The following TBC1D22A variants were observed in gnomAD, a reference collection of about 807,000 sequenced individuals.
TBC1D22A encodes the protein putative GTPase activator.
A neutral mutation model predicts 60.2 loss-of-function variants in TBC1D22A; 38 were observed. The ratio of observed to expected loss-of-function variants is 0.63; its 90% CI spans 0.49 to 0.83. The LOEUF (loss-of-function observed/expected upper bound fraction) is 0.83, where lower values mean the gene tolerates loss of function less well. Ranked by LOEUF, TBC1D22A falls within the 40% of genes least tolerant of loss-of-function variation. The probability of loss-of-function intolerance (pLI) is 0.00; values close to 1 mark genes in which losing one functional copy is unlikely to be tolerated. For missense variants in TBC1D22A, 628 were observed against 701.0 expected, an observed-to-expected ratio of 0.90 and a Z score of 1.18; for synonymous variants, 302 against 281.7, an observed-to-expected ratio of 1.07 and a Z score of -0.72.
chr22:47,157,233 G>T (rs1050551997), intron 12 of TBC1D22A, among the ~76,000 whole-genome samples: 4 of 152,196 alleles, frequency 2.6e-5, no homozygotes, highest in African/African-American at 9.7e-5. Flanking sequence ...GCTGTAGTCC[G>T]CGGCTCCTCC....
intron 1 of TBC1D22A, among the ~76,000 whole-genome samples, chr22:46,765,588 C>T (rs1350201423): frequency 1.3e-5 from 2 of 151,948 alleles, no homozygotes; most frequent in Non-Finnish European, 2.9e-5. Context: ...GTCTCAGCCT[C>T]CCAAGTAGCT....
intron 11 of TBC1D22A, among the ~76,000 whole-genome samples, chr22:47,048,314 T>G (rs1247614918): frequency 6.6e-6 from 1 of 152,174 alleles, no homozygotes; most frequent in African/African-American, 2.4e-5. Flanking sequence ...CACCCATGGT[T>G]GCTGTCAGGT....
At chr22:46,908,852 G>A (rs958882252) in intron 7 of TBC1D22A, among the ~76,000 whole-genome samples, 3 of 152,152 alleles carry the variant, frequency 2.0e-5, no homozygotes, top group African/African-American at 4.8e-5. Flanking sequence ...GATTTGCCCC[G>A]TAGTGCATAG....
chr22:47,049,695 C>T (rs1172217810), intron 11 of TBC1D22A, among the ~76,000 whole-genome samples: 1 of 152,156 alleles, frequency 6.6e-6, no homozygotes, highest in Non-Finnish European at 1.5e-5. Context: ...TGTCACACTG[C>T]CCAGTCATAA....
chr22:46,963,579 G>A (rs1436566374), intron 8 of TBC1D22A, among the ~76,000 whole-genome samples: 1 of 152,244 alleles, frequency 6.6e-6, no homozygotes, highest in African/African-American at 2.4e-5. Flanking sequence ...CAAGAGACAG[G>A]CCATCTTGGA....
At chr22:46,769,182 G>A (rs192144511) in intron 1 of TBC1D22A, among the ~76,000 whole-genome samples, 1 of 151,640 alleles carries the variant, frequency 6.6e-6, no homozygotes, top group East Asian at 1.9e-4. Context: ...CTGGGATAAA[G>A]CTGGAGCACA....
intron 11 of TBC1D22A, among the ~76,000 whole-genome samples, chr22:47,096,507 A>G (rs911520218): frequency 5.9e-5 from 9 of 152,208 alleles, no homozygotes; most frequent in African/African-American, 2.2e-4. Flanking sequence ...GGGGGTAGTT[A>G]ACTTCATCAG....
At chr22:47,114,952 T>C (rs996610937) in intron 12 of TBC1D22A, among the ~76,000 whole-genome samples, 1 of 145,832 alleles carries the variant, frequency 6.9e-6, no homozygotes, top group Non-Finnish European at 1.5e-5. Context: ...TTGAGCCTCA[T>C]GCGGGCATGG....
intron 1 of TBC1D22A, among the ~76,000 whole-genome samples, chr22:46,790,215 C>G (rs2084348042): frequency 6.6e-6 from 1 of 152,262 alleles, no homozygotes; most frequent in Non-Finnish European, 1.5e-5. Context: ...CAGGAAGCCG[C>G]CCACGTTCCT....
intron 12 of TBC1D22A, among the ~76,000 whole-genome samples, chr22:47,163,284 C>G (rs532258089): frequency 2.0e-4 from 31 of 152,376 alleles, no homozygotes; most frequent in African/African-American, 7.0e-4. Flanking sequence ...GCCATGGGTC[C>G]CCTCCCAATG....
intron 12 of TBC1D22A, among the ~76,000 whole-genome samples, chr22:47,152,283 G>A (rs370749450): frequency 6.6e-6 from 1 of 152,224 alleles, no homozygotes; most frequent in African/African-American, 2.4e-5. Context: ...TCCAGACTGG[G>A]TCAGCGCAGT....
At chr22:47,064,901 C>T (rs1459208141) in intron 11 of TBC1D22A, among the ~76,000 whole-genome samples, 1 of 152,228 alleles carries the variant, frequency 6.6e-6, no homozygotes, top group Non-Finnish European at 1.5e-5. Flanking sequence ...ATGGATTGTA[C>T]ACTTTAATCA....
chr22:46,834,443 C>T (rs78381611), intron 4 of TBC1D22A, among the ~76,000 whole-genome samples: 1,977 of 152,236 alleles, frequency 0.013, 47 homozygotes, highest in African/African-American at 0.045. Flanking sequence ...ATCCATAACA[C>T]CCCTCCCTGA....
chr22:47,064,973 ATTTAT>A (rs1168514563), intron 11 of TBC1D22A, among the ~76,000 whole-genome samples: 3 of 152,012 alleles, frequency 2.0e-5, no homozygotes, highest in African/African-American at 4.8e-5. Flanking sequence ...TTTGTTTATT[ATTTAT>A]TTTATTTTAT....
At chr22:46,933,270 T>G (rs1223115525) in intron 8 of TBC1D22A, among the ~76,000 whole-genome samples, 1 of 152,184 alleles carries the variant, frequency 6.6e-6, no homozygotes, top group Non-Finnish European at 1.5e-5. Flanking sequence ...CCACAGCGTG[T>G]GCTCTGAGCA....
At chr22:46,910,495 C>T (rs985132336) in intron 7 of TBC1D22A, among the ~76,000 whole-genome samples, 11 of 152,092 alleles carry the variant, frequency 7.2e-5, no homozygotes, top group Non-Finnish European at 2.9e-5. Flanking sequence ...GTAATTCATC[C>T]ATCTGTCGGA....
At chr22:46,799,119 C>T (rs1423530492) in intron 4 of TBC1D22A, among the ~76,000 whole-genome samples, 2 of 151,942 alleles carry the variant, frequency 1.3e-5, no homozygotes, top group African/African-American at 2.4e-5. Context: ...TGAGGCCTGT[C>T]CCAGCCCCCA....
intron 10 of TBC1D22A, among the ~76,000 whole-genome samples, chr22:47,002,789 C>T (rs907098607): frequency 6.6e-6 from 1 of 152,170 alleles, no homozygotes; most frequent in Admixed American, 6.5e-5. Context: ...GCTCCACCCT[C>T]ACGTTGTTCT....
At chr22:47,172,024 T>G (rs2068488302) in intron 12 of TBC1D22A, among the ~76,000 whole-genome samples, 1 of 69,038 alleles carries the variant, frequency 1.4e-5, no homozygotes, top group African/African-American at 7.9e-5. Context: ...TACCCAGCAC[T>G]CCCAGTGAGC....
Sources: gnomAD v4.1 joint callset for allele counts (sites outside exome capture counted in the v4.1 genomes callset) on GRCh38, gnomAD v4.1.1 for gene constraint, MANE v1.5 for transcripts, NCBI Gene and HGNC (gene_info 2026-07-23, HGNC 2026-07-21) for gene names.